The following SYNE2 variants were observed in gnomAD, a reference collection of about 807,000 sequenced individuals.
SYNE2 encodes nesprin-2.
SYNE2 carries 431 observed loss-of-function variants against 856.3 expected under a neutral mutation model. That is an observed-to-expected ratio of 0.50 (90% confidence interval 0.47 to 0.55). The LOEUF is 0.55. Among genes scored for constraint, SYNE2 ranks in the 20% least tolerant of loss-of-function variants. The pLI, the probability that SYNE2 is intolerant of heterozygous loss-of-function variation, is 0.00. For missense variants in SYNE2, 8,129 were observed against 8,023.2 expected (o/e 1.01, Z -0.50); for synonymous variants, 2,923 against 2,872.3 (o/e 1.02, Z -0.56).
intron 79 of SYNE2, among the ~76,000 whole-genome samples, chr14:64,138,715 A>G (rs1192223208): frequency 2.6e-5 from 4 of 152,230 alleles, no homozygotes; most frequent in Non-Finnish European, 4.4e-5. Flanking sequence ...CTTAGTTGGT[A>G]TAATCTTGAA....
At chr14:63,841,753 G>T (rs911616549) in intron 1 of SYNE2, among the ~76,000 whole-genome samples, 5 of 151,310 alleles carry the variant, frequency 3.3e-5, no homozygotes, top group Admixed American at 6.6e-5. Flanking sequence ...TGAATGTCTC[G>T]TAAGGGTTTG....
chr14:63,945,104 C>CTT (rs34692882), intron 6 of SYNE2, among the ~76,000 whole-genome samples: 24 of 106,248 alleles, frequency 2.3e-4, no homozygotes, highest in Non-Finnish European at 3.5e-4. Context: ...CACACCTGGC[C>CTT]TTTTTTTTTT....
intron 99 of SYNE2, chr14:64,202,294 C>T: frequency 1.4e-6 from 1 of 702,354 alleles, no homozygotes; most frequent in Non-Finnish European, 2.6e-6. Context: ...TCTCTGCTTA[C>T]TCAGAGAGGA....
intron 2 of SYNE2, among the ~76,000 whole-genome samples, chr14:63,920,137 C>T (rs1019164322): frequency 1.3e-5 from 2 of 151,896 alleles, no homozygotes; most frequent in African/African-American, 4.8e-5. Flanking sequence ...GTGCTGAGCA[C>T]ACGGGTTAGT....
At chr14:63,982,264 G>T (rs1213214871) in intron 16 of SYNE2, among the ~76,000 whole-genome samples, 1 of 152,156 alleles carries the variant, frequency 6.6e-6, no homozygotes, top group Non-Finnish European at 1.5e-5. Flanking sequence ...AACCACTGCT[G>T]TAAGTTCATC....
chr14:63,849,108 C>T (rs1890321026), upstream of SYNE2, among the ~76,000 whole-genome samples: 1 of 152,138 alleles, frequency 6.6e-6, no homozygotes, highest in South Asian at 2.1e-4. Flanking sequence ...GGGTGTGATC[C>T]AACTCTTGGA....
intron 82 of SYNE2, among the ~76,000 whole-genome samples, chr14:64,142,562 A>G (rs1445504389): frequency 6.6e-6 from 1 of 152,136 alleles, no homozygotes; most frequent in Non-Finnish European, 1.5e-5. Flanking sequence ...TCCCAGCCAG[A>G]CTAGGTGACT....
At chr14:63,868,753 G>A (rs912141179) in intron 1 of SYNE2, among the ~76,000 whole-genome samples, 1 of 152,042 alleles carries the variant, frequency 6.6e-6, no homozygotes, top group African/African-American at 2.4e-5. Context: ...TGTGTGTGCT[G>A]GGGTTTTTGT....
At chr14:64,162,021 T>G (rs1450238853) in intron 87 of SYNE2, 51 bp from the exon 88 acceptor site, 2 of 1,607,678 alleles carry the variant, frequency 1.2e-6, no homozygotes, top group Admixed American at 3.3e-5. Context: ...GTACTTTCGC[T>G]ACAAGAGAAA....
chr14:63,853,603 C>T (rs1890954493), intron 1 of SYNE2, among the ~76,000 whole-genome samples: 1 of 151,654 alleles, frequency 6.6e-6, no homozygotes, highest in Non-Finnish European at 1.5e-5. Flanking sequence ...TTGAACGCCG[C>T]GTGAGCTGGA....
intron 1 of SYNE2, among the ~76,000 whole-genome samples, chr14:63,802,992 T>C (rs773998632): frequency 2.0e-5 from 3 of 152,094 alleles, no homozygotes; most frequent in Non-Finnish European, 4.4e-5. Context: ...GAACAAAACT[T>C]CCACAGTGTG....
intron 77 of SYNE2, among the ~76,000 whole-genome samples, chr14:64,133,677 T>TGAGTA (rs1488356792): frequency 6.6e-6 from 1 of 152,082 alleles, no homozygotes; most frequent in Non-Finnish European, 1.5e-5. Context: ...TAGCTTCTGT[T>TGAGTA]GAGTAAGGGT....
At chr14:64,145,196 G>C (rs1213924271) in intron 83 of SYNE2, among the ~76,000 whole-genome samples, 2 of 151,728 alleles carry the variant, frequency 1.3e-5, no homozygotes, top group Non-Finnish European at 2.9e-5. Flanking sequence ...CAAAATGCTG[G>C]GATTACAGGT....
At chr14:63,899,970 A>G (rs2095313885) in intron 1 of SYNE2, among the ~76,000 whole-genome samples, 2 of 152,206 alleles carry the variant, frequency 1.3e-5, no homozygotes, top group Admixed American at 1.3e-4. Context: ...TGTCATTTTT[A>G]GTTTCATGAG....
In SYNE2 at chr14:63,924,832, G is replaced by GTTTTTTTTTTTTTTTTTTTTTTTTTTT. The variant is rs1491139905; in HGVS notation, c.79+15606_79+15607insTTTTTTTTTTTTTTTTTTTTTTTTTTT. On this transcript the variant is annotated intron_variant, in intron 2 of 115. Coordinates refer to ENST00000555002, the MANE Select transcript of SYNE2 (RefSeq NM_182914.3). ...TTTAACTTTTTTCCTTCCAGCCTTG[G>GTTTTTTTTTTTTTTTTTTTTTTTTTTT]TGTTTTTTTTTTTTTTTTTTTTTTT... is the stretch of plus-strand genomic sequence containing the variant. 6.9e-4 allele frequency among the ~76,000 whole-genome samples: 64 copies of GTTTTTTTTTTTTTTTTTTTTTTTTTTT among 92,858 alleles called. 21 individuals carry two copies. Among genetic ancestry groups the GTTTTTTTTTTTTTTTTTTTTTTTTTTT allele is most frequent in the East Asian group, 2.6e-3 (7 of 2,656 alleles). The allele number at this position is 92,858 out of a possible 152,430, so 60.9% of individuals were successfully genotyped here.
At position 64,049,614 on chromosome 14, in the gene SYNE2, T is replaced by G; in HGVS notation, c.7381T>G (p.Leu2461Val). The G allele has an allele frequency of 6.2e-7, 1 of 1,613,944 alleles. No homozygotes were observed. Among genetic ancestry groups the G allele is most frequent in the Non-Finnish European group, 8.5e-7 (1 of 1,179,964 alleles). The change falls in exon 47 of 116, where the codon TTA becomes GTA. Residue 2461 changes from leucine to valine, a missense_variant. Around this residue, in one of 3 missense-constraint regions of SYNE2, gnomAD observed 5,410 missense variants for 5,284.8 expected, o/e 1.02. Transcript: ENST00000555002. ...GATCTGTGTGACTTATTTTTAGAAA[T>G]TATATACCCAGTTGGAAGCAAAGAA... ...RNEQLEEIEK[L>V]YTQLEAKKAA...
intron 1 of SYNE2, among the ~76,000 whole-genome samples, chr14:63,871,523 A>T (rs949671842): frequency 2.5e-4 from 37 of 150,184 alleles, no homozygotes; most frequent in African/African-American, 7.6e-4. Context: ...TGAATTTTTT[A>T]AAAAAATTCC....
At chr14:63,946,636 C>T (rs1001761777) in intron 6 of SYNE2, among the ~76,000 whole-genome samples, 1 of 138,106 alleles carries the variant, frequency 7.2e-6, no homozygotes, top group South Asian at 2.2e-4. Flanking sequence ...ATATTATATA[C>T]TGTAATATAT....
At chr14:63,943,803 T>C (rs2095968161) in intron 6 of SYNE2, among the ~76,000 whole-genome samples, 1 of 151,928 alleles carries the variant, frequency 6.6e-6, no homozygotes, top group Non-Finnish European at 1.5e-5. Context: ...CCTGAGTAGC[T>C]GGGATTACAG....
Sources: allele counts gnomAD v4.1 joint callset (sites outside exome capture counted in the v4.1 genomes callset), GRCh38; gene constraint gnomAD v4.1.1; regional missense constraint gnomAD v4.1.1; transcripts MANE v1.5; gene names NCBI Gene and HGNC (gene_info 2026-07-23, HGNC 2026-07-21).